Variants in STAB2 observed in about 807,000 individuals in gnomAD.
STAB2 encodes the protein stabilin 2.
In STAB2, 288 loss-of-function variants were observed where a neutral mutation model predicts 338.1. The ratio of observed to expected loss-of-function variants is 0.85; its 90% confidence interval spans 0.77 to 0.94. The LOEUF is 0.94. STAB2 is among the 40% of genes least tolerant of loss of function. The pLI, the probability that STAB2 is intolerant of heterozygous loss-of-function variation, is 0.00. For synonymous variants in STAB2, 1,202 were observed against 1,193.3 expected (o/e 1.01, Z -0.15); for missense variants, 3,141 against 3,210.1 (o/e 0.98, Z 0.52).
intron 38 of STAB2, 126 bp downstream of exon 38, chr12:103,707,113 T>G: frequency 6.4e-6 from 6 of 942,116 alleles, no homozygotes; most frequent in Non-Finnish European, 9.3e-6. Flanking sequence ...GAATCCCACC[T>G]GCTACTATCA....
chr12:103,637,034 A>G, intron 6 of STAB2, 77 bp from the exon 7 acceptor site: 1 of 1,427,534 alleles, frequency 7.0e-7, no homozygotes, highest in Non-Finnish European at 9.3e-7. Flanking sequence ...TTTTAATAAA[A>G]GGGAATACTG....
At chr12:103,606,256 A>T (rs2138579393) in intron 3 of STAB2, among the ~76,000 whole-genome samples, 1 of 152,284 alleles carries the variant, frequency 6.6e-6, no homozygotes, top group African/African-American at 2.4e-5. Flanking sequence ...TTATAACAAT[A>T]TACTTCTATT....
At chr12:103,734,222 A>C (rs1295067453) in intron 51 of STAB2, among the ~76,000 whole-genome samples, 2 of 148,802 alleles carry the variant, frequency 1.3e-5, no homozygotes, top group African/African-American at 5.0e-5. Context: ...GCACGATCAC[A>C]TAGGAGCAAA....
chr12:103,700,623 G>A (rs535936698), intron 34 of STAB2, among the ~76,000 whole-genome samples: 26 of 152,220 alleles, frequency 1.7e-4, no homozygotes, highest in South Asian at 6.2e-4. Flanking sequence ...TTATGGTATT[G>A]ACAGAGCTTC....
chr12:103,646,114 A>G (rs1360113877), intron 9 of STAB2, among the ~76,000 whole-genome samples: 1 of 152,218 alleles, frequency 6.6e-6, no homozygotes, highest in Non-Finnish European at 1.5e-5. Context: ...CAGAGGTTGC[A>G]GTGAGCTGAG....
rs566663301 is a variant in STAB2, at chr12:103,676,208, C to T, written c.2646+187C>T. Among the ~76,000 whole-genome samples, 16 of 152,092 alleles carry T rather than the reference C, an allele frequency of 1.1e-4. No homozygotes were observed. In the East Asian group the frequency reaches 2.3e-3, roughly 22 times the overall value. ...TCCCGAGTAGCTGGGATTACAGGCA[C>T]GTGCCACCACCCCGGCTAATTTTTG... On this transcript the variant is annotated intron_variant, in intron 24 of 68. Coordinates refer to ENST00000388887, the MANE Select transcript of STAB2 (RefSeq NM_017564.10).
chr12:103,685,793 C>CT (rs1201095989), intron 27 of STAB2, among the ~76,000 whole-genome samples: 2 of 152,046 alleles, frequency 1.3e-5, no homozygotes, highest in Admixed American at 6.5e-5. Context: ...TGACCATAAA[C>CT]TTTTTTTTAA....
intron 41 of STAB2, 142 bp from the exon 42 acceptor site, chr12:103,713,501 G>C: frequency 7.9e-7 from 1 of 1,263,810 alleles, no homozygotes; most frequent in African/African-American, 1.5e-5. Context: ...CTTGCTCTCT[G>C]TTTTTGGGAA....
chr12:103,661,670 C>T (rs879781955), intron 17 of STAB2, among the ~76,000 whole-genome samples: 1 of 152,164 alleles, frequency 6.6e-6, no homozygotes, highest in Non-Finnish European at 1.5e-5. Flanking sequence ...AAGAAGCCCT[C>T]ATGGGGAAGA....
intron 22 of STAB2, among the ~76,000 whole-genome samples, 161 bp from the exon 23 acceptor site, chr12:103,673,746 G>A (rs17034351): frequency 0.031 from 4,672 of 152,294 alleles, 103 homozygotes; most frequent in East Asian, 0.054. Context: ...GAGACTCCAA[G>A]AAATAGCAGC....
At chr12:103,668,617 T>C in intron 19 of STAB2, 26 bp from the exon 20 acceptor site, 5 of 1,549,346 alleles carry the variant, frequency 3.2e-6, no homozygotes, top group Non-Finnish European at 4.4e-6. Context: ...CTGACTGCCA[T>C]GCTTTCCCTC....
chr12:103,675,334 C>T (rs1331448545), intron 23 of STAB2, among the ~76,000 whole-genome samples: 2 of 152,136 alleles, frequency 1.3e-5, no homozygotes, highest in African/African-American at 2.4e-5. Flanking sequence ...ACCAAGTCAG[C>T]TCACAGAAGA....
chr12:103,681,374 A>G (rs1876883339), intron 25 of STAB2, among the ~76,000 whole-genome samples: 1 of 152,152 alleles, frequency 6.6e-6, no homozygotes, highest in African/African-American at 2.4e-5. Context: ...GGTGGCATAG[A>G]ACAACAAAAA....
intron 20 of STAB2, chr12:103,668,978 C>A (rs1378201855): frequency 4.9e-6 from 2 of 406,482 alleles, no homozygotes; most frequent in African/African-American, 2.1e-5. Context: ...ATGGCCCACC[C>A]TCTGCCTGTG....
At chr12:103,608,787 C>G (rs934704629) in intron 3 of STAB2, among the ~76,000 whole-genome samples, 8 of 152,112 alleles carry the variant, frequency 5.3e-5, no homozygotes, top group Non-Finnish European at 1.0e-4. Flanking sequence ...ATGGTATTGC[C>G]TAGGTTTTCT....
At chr12:103,606,478 G>A (rs1405645200) in intron 3 of STAB2, among the ~76,000 whole-genome samples, 1 of 151,968 alleles carries the variant, frequency 6.6e-6, no homozygotes, top group Non-Finnish European at 1.5e-5. Flanking sequence ...TTTGTATCTG[G>A]TATTTTTTTT....
intron 40 of STAB2, 82 bp downstream of exon 40, chr12:103,711,598 G>GAAACAAATCCCCTGA: frequency 1.3e-6 from 2 of 1,500,114 alleles, no homozygotes; most frequent in Non-Finnish European, 1.8e-6. Flanking sequence ...CTATCCTCAG[G>GAAACAAATCCCCTGA]GGATTTGTTT....
At chr12:103,679,235 G>A (rs1173894649) in intron 25 of STAB2, among the ~76,000 whole-genome samples, 1 of 152,106 alleles carries the variant, frequency 6.6e-6, no homozygotes, top group African/African-American at 2.4e-5. Flanking sequence ...GGGCATTGTG[G>A]TGCATGCCTG....
At chr12:103,717,268 C>A (rs1213871543) in intron 43 of STAB2, among the ~76,000 whole-genome samples, 1 of 152,202 alleles carries the variant, frequency 6.6e-6, no homozygotes, top group Non-Finnish European at 1.5e-5. Flanking sequence ...AGCTTCCACC[C>A]AACTTCCTGG....
Sources: gnomAD v4.1 joint callset for allele counts (sites outside exome capture counted in the v4.1 genomes callset) on GRCh38, gnomAD v4.1.1 for gene constraint, MANE v1.5 for transcripts, NCBI Gene and HGNC (gene_info 2026-07-23, HGNC 2026-07-21) for gene names.